The following GRB10 variants were observed in gnomAD, a reference collection of about 807,000 sequenced individuals.
GRB10 encodes growth factor receptor bound protein 10.
Under a neutral mutation model 80.9 loss-of-function variants are expected in GRB10, and 20 were observed. The ratio of observed to expected loss-of-function variants is 0.25; its 90% CI spans 0.17 to 0.36. The LOEUF is 0.36. Ranked by LOEUF, GRB10 falls within the 10% of genes least tolerant of loss-of-function variation. The pLI, the probability that GRB10 is intolerant of heterozygous loss-of-function variation, is 1.00. For synonymous variants in GRB10, 291 were observed against 291.5 expected, an observed-to-expected ratio of 1.00 and a Z score of 0.02; for missense variants, 548 against 747.7, an observed-to-expected ratio of 0.73 and a Z score of 3.12.
chr7:50,612,934 A>C lies in GRB10; in HGVS notation c.1096-95T>G, dbSNP rs976938642. ...GCTGCATCTGACACAAACCAGAGAC[A>C]ACCAGCTGGAGATCCCCCTAGCAAG... On this transcript the variant is annotated intron_variant, in intron 12 of 18. Transcript: ENST00000401949. 6.3e-6 allele frequency: 5 copies of C among 788,656 alleles called. No individual in the cohort carries two copies. In the African/African-American group the frequency reaches 8.5e-5, roughly 13 times the overall value. The allele number at this position is 788,656 out of a possible 1,614,324, so 48.9% of individuals were successfully genotyped here.
intron 5 of GRB10, among the ~76,000 whole-genome samples, chr7:50,698,622 T>C (rs2063744168): frequency 6.6e-6 from 1 of 152,194 alleles, no homozygotes; most frequent in African/African-American, 2.4e-5. Context: ...TGGGTCTCCT[T>C]ATGGGATATC....
At chr7:50,691,943 T>C (rs1056632424) in intron 5 of GRB10, among the ~76,000 whole-genome samples, 1 of 152,168 alleles carries the variant, frequency 6.6e-6, no homozygotes, top group Admixed American at 6.5e-5. Context: ...AGTTTCACCA[T>C]GAGAAAATGA....
intron 2 of GRB10, among the ~76,000 whole-genome samples, chr7:50,768,667 T>C (rs542875798): frequency 1.3e-5 from 2 of 152,202 alleles, no homozygotes; most frequent in Non-Finnish European, 2.9e-5. Flanking sequence ...ACTTCACCCA[T>C]TGGTCAAGAT....
chr7:50,732,104 G>C (rs893795095), intron 4 of GRB10, among the ~76,000 whole-genome samples, 168 bp downstream of exon 4: 1 of 152,250 alleles, frequency 6.6e-6, no homozygotes, highest in Non-Finnish European at 1.5e-5. Flanking sequence ...GACCGAGGCA[G>C]AAAGGGCAGT....
At chr7:50,650,845 C>A (rs2057920429) in intron 7 of GRB10, among the ~76,000 whole-genome samples, 1 of 143,788 alleles carries the variant, frequency 7.0e-6, no homozygotes, top group Non-Finnish European at 1.5e-5. Flanking sequence ...GGAAAATCTC[C>A]TGGGAGAAAA....
chr7:50,642,284 ACACACACACACACGCATG>A (rs1008679543), intron 7 of GRB10, among the ~76,000 whole-genome samples: 4 of 151,872 alleles, frequency 2.6e-5, no homozygotes, highest in Admixed American at 6.6e-5. Context: ...AACTTCACAC[ACACACACACACACGCATG>A]CACACACACA....
At chr7:50,624,617 T>C (rs897539464) in intron 8 of GRB10, among the ~76,000 whole-genome samples, 1 of 152,232 alleles carries the variant, frequency 6.6e-6, no homozygotes, top group Non-Finnish European at 1.5e-5. Flanking sequence ...CTGGGGGTAC[T>C]GACCTTATAG....
chr7:50,679,768 TAAC>T (rs2061354051), intron 5 of GRB10, among the ~76,000 whole-genome samples: 1 of 152,204 alleles, frequency 6.6e-6, no homozygotes, highest in African/African-American at 2.4e-5. Flanking sequence ...GAAAAGTCTC[TAAC>T]ACATGTGCAA....
chr7:50,659,879 T>C (rs146192655), intron 7 of GRB10, among the ~76,000 whole-genome samples: 1 of 152,334 alleles, frequency 6.6e-6, no homozygotes, highest in Non-Finnish European at 1.5e-5. Flanking sequence ...GAATGACAAG[T>C]TGAGAGTTCA....
At chr7:50,686,516 G>C (rs1001041927) in intron 5 of GRB10, among the ~76,000 whole-genome samples, 1 of 152,182 alleles carries the variant, frequency 6.6e-6, no homozygotes, top group African/African-American at 2.4e-5. Context: ...CCAGGGAGAG[G>C]GGATGCTCCA....
chr7:50,687,356 G>A (rs189538080), intron 5 of GRB10, among the ~76,000 whole-genome samples: 37 of 152,314 alleles, frequency 2.4e-4, no homozygotes, highest in African/African-American at 8.4e-4. Flanking sequence ...CTGCGACTCC[G>A]TAGGCTCCAG....
chr7:50,745,603 C>T (rs774276906), intron 3 of GRB10, among the ~76,000 whole-genome samples: 5 of 152,142 alleles, frequency 3.3e-5, no homozygotes, highest in East Asian at 1.9e-4. Flanking sequence ...CTGTCTTTGC[C>T]GCCTAAAAAT....
intron 18 of GRB10, among the ~76,000 whole-genome samples, chr7:50,593,756 G>A (rs188246751): frequency 4.6e-5 from 7 of 152,316 alleles, no homozygotes; most frequent in Non-Finnish European, 1.0e-4. Context: ...AAAGGAGGTC[G>A]TGTTGTTCAC....
chr7:50,637,197 G>C (rs763449371), intron 7 of GRB10, among the ~76,000 whole-genome samples: 1 of 152,038 alleles, frequency 6.6e-6, no homozygotes, highest in East Asian at 1.9e-4. Context: ...GGCTGGTCTC[G>C]AACTCCTGGA....
At chr7:50,729,441 T>A (rs1419755684) in intron 4 of GRB10, 2 of 152,186 alleles carry the variant, frequency 1.3e-5, no homozygotes, top group Non-Finnish European at 2.9e-5. Context: ...CATAATTTTG[T>A]CATAGGTGCA....
At chr7:50,593,300 G>C (rs1455907612) in intron 18 of GRB10, among the ~76,000 whole-genome samples, 1 of 152,186 alleles carries the variant, frequency 6.6e-6, no homozygotes, top group Non-Finnish European at 1.5e-5. Flanking sequence ...CTGAGCGAGG[G>C]ACAGACTTTG....
chr7:50,708,281 G>T (rs373448213), intron 4 of GRB10, among the ~76,000 whole-genome samples: 1 of 150,310 alleles, frequency 6.7e-6, no homozygotes. Flanking sequence ...AAACAGAAAT[G>T]TACCTTCTTT....
At chr7:50,651,293 G>C (rs2057978470) in intron 7 of GRB10, among the ~76,000 whole-genome samples, 1 of 152,316 alleles carries the variant, frequency 6.6e-6, no homozygotes, top group East Asian at 1.9e-4. Flanking sequence ...GAGCAGGTCT[G>C]ATCCTCCCGA....
rs566669105 is a variant in GRB10, at chr7:50,676,955, G to A, written c.140-2297C>T. 3.9e-5 allele frequency among the ~76,000 whole-genome samples: 6 copies of A among 152,332 alleles called. No individual in the cohort carries two copies. The South Asian group carries it at 1.2e-3, about 32-fold the overall frequency. ...AGATCACTGAGGCCTGGCCAGCACA[G>A]CCCTTGCTGGAAGAACAGAGGCCAC... On this transcript the variant is annotated intron_variant, in intron 5 of 18. Coordinates refer to ENST00000401949, the MANE Select transcript of GRB10 (RefSeq NM_001350814.2).
Sources: gnomAD v4.1 joint callset for allele counts (sites outside exome capture counted in the v4.1 genomes callset) on GRCh38, gnomAD v4.1.1 for gene constraint, MANE v1.5 for transcripts, NCBI Gene and HGNC (gene_info 2026-07-23, HGNC 2026-07-21) for gene names.